Variants in ADAMTS19 observed in about 807,000 individuals in gnomAD.
ADAMTS19 encodes the protein A disintegrin and metalloproteinase with thrombospondin motifs 19.
ADAMTS19 carries 93 observed loss-of-function variants against 153.3 expected under a neutral mutation model. The observed-to-expected ratio is 0.61, with a 90% CI of 0.51 to 0.72. The LOEUF (loss-of-function observed/expected upper bound fraction) is 0.72. Among genes scored for constraint, ADAMTS19 ranks in the 30% least tolerant of loss-of-function variants. The pLI is 0.00. For missense variants in ADAMTS19, 1,482 were observed against 1,552.1 expected, an observed-to-expected ratio of 0.95 and a Z score of 0.76; for synonymous variants, 600 against 556.6, an observed-to-expected ratio of 1.08 and a Z score of -1.10.
rs1752735265 is a variant in ADAMTS19 at position 129,543,446 on chromosome 5, T to C, written c.1329-8418T>C. Among the ~76,000 whole-genome samples, 3 of 152,216 alleles carry C rather than the reference T, an allele frequency of 2.0e-5. No individual in the cohort carries two copies. The South Asian group carries it at 6.2e-4, about 32-fold the overall frequency. On this transcript the variant is annotated intron_variant, in intron 6 of 22. Coordinates refer to ENST00000274487, the MANE Select transcript of ADAMTS19 (RefSeq NM_133638.6). ...TGTACAAACTGATAAAAACATGTTATACTGTTTCTGTTGTCTGGAAATATA... is the reference window on the plus strand; with the variant it reads ...TGTACAAACTGATAAAAACATGTTACACTGTTTCTGTTGTCTGGAAATATA...
Position 129,720,328 on chromosome 5 carries a change from C to T in ADAMTS19, c.3313-14604C>T, listed in dbSNP as rs147289280. Among the ~76,000 whole-genome samples the T allele has an allele frequency of 2.8e-3, 427 of 151,822 alleles. 1 individual carries two copies. The highest frequency in any genetic ancestry group is 6.8e-3 in the Middle Eastern group (2 of 294). The stretch of plus-strand genomic sequence containing the variant: ...CTAGGATTAAAGGTGTCCGCCACCA[C>T]GCCCGGCTGATTTTTCTATTTTAGT... On this transcript the variant is annotated intron_variant, in intron 21 of 22. Transcript: ENST00000274487.
chr5:129,581,297 C>T (rs1361191164), intron 7 of ADAMTS19, among the ~76,000 whole-genome samples: 1 of 150,892 alleles, frequency 6.6e-6, no homozygotes, highest in Non-Finnish European at 1.5e-5. Context: ...TTGCTGTATT[C>T]AGGGATTTGA....
In ADAMTS19 at chr5:129,596,750, TTTAA is replaced by T. The variant is rs1401757549; in HGVS notation, c.1478+89_1478+92del. The T allele has an allele frequency of 1.1e-5, 11 of 1,014,782 alleles. No individual in the cohort carries two copies. In the African/African-American group the frequency reaches 1.8e-4, roughly 17 times the overall value. 62.9% of individuals were successfully genotyped at this position (1,014,782 alleles called of 1,614,324 possible). On this transcript the variant is annotated intron_variant, in intron 8 of 22. Transcript: ENST00000274487. Reference sequence around the variant, plus strand: ...TGAATTACCTGGATATCTTCTGATTTTTAATTTGGGCTTCAAGTTTTTGAAAAAC... The same window carrying T: ...TGAATTACCTGGATATCTTCTGATTTTTTGGGCTTCAAGTTTTTGAAAAAC...
chr5:129,685,387 G>A (rs1294809841), intron 18 of ADAMTS19, among the ~76,000 whole-genome samples: 1 of 151,982 alleles, frequency 6.6e-6, no homozygotes. Flanking sequence ...AAAAAAACAT[G>A]CAGGAGACAA....
chr5:129,598,625 G>A (rs984241207), intron 8 of ADAMTS19, among the ~76,000 whole-genome samples: 6 of 152,076 alleles, frequency 3.9e-5, no homozygotes, highest in African/African-American at 1.4e-4. Context: ...TTTGAAATGT[G>A]TATACATTGT....
At chr5:129,661,484 G>A (rs1753810521) in intron 15 of ADAMTS19, among the ~76,000 whole-genome samples, 1 of 152,010 alleles carries the variant, frequency 6.6e-6, no homozygotes, top group South Asian at 2.1e-4. Context: ...TTTTTTGAAG[G>A]CCATACAGCC....
chr5:129,520,228 C>G (rs1051842593), intron 3 of ADAMTS19, among the ~76,000 whole-genome samples: 5 of 152,094 alleles, frequency 3.3e-5, no homozygotes, highest in Admixed American at 2.6e-4. Flanking sequence ...TCTCATCCTC[C>G]AAGACTTAGT....
chr5:129,543,724 C>T (rs968945676), intron 6 of ADAMTS19, among the ~76,000 whole-genome samples: 3 of 152,098 alleles, frequency 2.0e-5, no homozygotes, highest in Admixed American at 6.6e-5. Context: ...AACATGCAAG[C>T]GGGCCTGAGT....
chr5:129,614,984 G>A (rs1381543070), intron 8 of ADAMTS19, among the ~76,000 whole-genome samples: 4 of 152,084 alleles, frequency 2.6e-5, no homozygotes, highest in South Asian at 2.1e-4. Flanking sequence ...TACAAGGGAC[G>A]TGAAGGACCT....
intron 8 of ADAMTS19, among the ~76,000 whole-genome samples, chr5:129,612,765 C>T (rs1751297070): frequency 6.6e-6 from 1 of 152,028 alleles, no homozygotes; most frequent in Non-Finnish European, 1.5e-5. Flanking sequence ...AGAGTCAAGA[C>T]CCATCAGTGT....
At chr5:129,698,379 T>A (rs1393988185) in intron 19 of ADAMTS19, among the ~76,000 whole-genome samples, 1 of 152,176 alleles carries the variant, frequency 6.6e-6, no homozygotes, top group African/African-American at 2.4e-5. Flanking sequence ...AGTAAAAAAA[T>A]TCTAATTCCC....
chr5:129,563,128 CA>C (rs1753582513), intron 7 of ADAMTS19, among the ~76,000 whole-genome samples: 1 of 152,124 alleles, frequency 6.6e-6, no homozygotes, highest in Admixed American at 6.6e-5. Flanking sequence ...TACCACATTT[CA>C]GCAGAAGTAA....
At chr5:129,639,940 A>G (rs1752718583) in intron 10 of ADAMTS19, among the ~76,000 whole-genome samples, 1 of 152,194 alleles carries the variant, frequency 6.6e-6, no homozygotes, top group South Asian at 2.1e-4. Context: ...ATGAAAAACA[A>G]TTGAACTCTT....
chr5:129,522,332 C>CACACACATAT (rs1309115957), intron 3 of ADAMTS19, among the ~76,000 whole-genome samples: 25 of 58,612 alleles, frequency 4.3e-4, no homozygotes, highest in African/African-American at 1.9e-3. Flanking sequence ...CACACACACA[C>CACACACATAT]ATATATATAT....
intron 7 of ADAMTS19, among the ~76,000 whole-genome samples, chr5:129,559,307 GAAAC>G (rs1459423695): frequency 2.6e-5 from 4 of 151,794 alleles, no homozygotes; most frequent in African/African-American, 9.7e-5. Context: ...CAGTAAGTAA[GAAAC>G]AAACAAGGAA....
At chr5:129,486,950 G>A (rs1750617335) in intron 2 of ADAMTS19, among the ~76,000 whole-genome samples, 2 of 152,238 alleles carry the variant, frequency 1.3e-5, no homozygotes, top group Admixed American at 1.3e-4. Flanking sequence ...TAACCACTGA[G>A]TGTGCATGCA....
chr5:129,547,659 A>C (rs1752912126), intron 6 of ADAMTS19, among the ~76,000 whole-genome samples: 1 of 150,680 alleles, frequency 6.6e-6, no homozygotes, highest in Admixed American at 6.6e-5. Flanking sequence ...TTCTTCACAG[A>C]ATTGGAAAAA....
At chr5:129,653,466 C>G (rs1753404926) in intron 13 of ADAMTS19, among the ~76,000 whole-genome samples, 1 of 152,162 alleles carries the variant, frequency 6.6e-6, no homozygotes, top group Non-Finnish European at 1.5e-5. Flanking sequence ...CCCCAAACAT[C>G]CTATCTGATT....
chr5:129,674,654 G>C (rs779744099), intron 16 of ADAMTS19, among the ~76,000 whole-genome samples: 65 of 152,102 alleles, frequency 4.3e-4, no homozygotes, highest in African/African-American at 1.6e-3. Context: ...TATATATAAT[G>C]TAAGCTCCTT....
Sources: allele counts gnomAD v4.1 joint callset (sites outside exome capture counted in the v4.1 genomes callset), GRCh38; gene constraint gnomAD v4.1.1; transcripts MANE v1.5; gene names NCBI Gene and HGNC (gene_info 2026-07-23, HGNC 2026-07-21).